PRUNE2: variants seen among roughly 807,000 people sequenced by gnomAD.
The protein encoded by PRUNE2 is prune homolog 2 with BCH domain.
A neutral mutation model predicts 252.0 loss-of-function variants in PRUNE2; 164 were observed. The ratio of observed to expected loss-of-function variants is 0.65; its 90% confidence interval spans 0.57 to 0.74. The LOEUF (loss-of-function observed/expected upper bound fraction) is 0.74, where lower values mean the gene tolerates loss of function less well. Among genes scored for constraint, PRUNE2 ranks in the 30% least tolerant of loss-of-function variants. The probability of loss-of-function intolerance (pLI) is 0.00; values close to 1 mark genes in which losing one functional copy is unlikely to be tolerated. For missense variants in PRUNE2, 3,495 were observed against 3,711.0 expected (o/e 0.94, Z 1.51); for synonymous variants, 1,292 against 1,350.2 (o/e 0.96, Z 0.94).
chr9:76,843,622 CAG>C (rs1452216746), intron 4 of PRUNE2, among the ~76,000 whole-genome samples: 2 of 151,700 alleles, frequency 1.3e-5, no homozygotes, highest in Admixed American at 1.3e-4. Context: ...TTTATAGGAA[CAG>C]AGAAAACAAG....
At chr9:76,888,852 G>GT (rs1229379467) in intron 1 of PRUNE2, among the ~76,000 whole-genome samples, 4 of 151,700 alleles carry the variant, frequency 2.6e-5, no homozygotes, top group East Asian at 3.9e-4. Context: ...TGTTGTTGTT[G>GT]TTGTTTTTGA....
intron 9 of PRUNE2, among the ~76,000 whole-genome samples, chr9:76,690,762 A>G (rs897503626): frequency 6.6e-6 from 1 of 152,240 alleles, no homozygotes. Context: ...TTACAAAGCT[A>G]CATCTCACAG....
chr9:76,839,756 G>A (rs891027664), intron 4 of PRUNE2, among the ~76,000 whole-genome samples: 37 of 152,224 alleles, frequency 2.4e-4, no homozygotes, highest in Non-Finnish European at 5.9e-5. Flanking sequence ...AAGAGAGGCA[G>A]AATGGAGGCT....
In PRUNE2 at chr9:76,850,681, T is replaced by G. The variant is rs757840524; in HGVS notation, c.142-16A>C. 8 of 1,569,792 alleles carry G rather than the reference T, an allele frequency of 5.1e-6. No homozygotes were observed. The highest frequency in any genetic ancestry group is 6.1e-6 in the Non-Finnish European group (7 of 1,141,602). ...GTGGACTGACCTACCAAGAAAAAAG[T>G]TGACTGAATTACTGAAAATAGCAGG... On this transcript the variant is annotated splice_polypyrimidine_tract_variant and intron_variant, in intron 2 of 18. Coordinates refer to ENST00000376718, the MANE Select transcript of PRUNE2 (RefSeq NM_015225.3).
rs562922993 is a variant in PRUNE2, at chr9:76,814,670, G to A, written c.756+8962C>T. The stretch of plus-strand genomic sequence containing the variant: ...CAAGATCCCAGGAATCCAAGGTTGG[G>A]GTATTGCAGTCCTGGTTTATTCCAT... On this transcript the variant is annotated intron_variant, in intron 6 of 18. Transcript: ENST00000376718. Among the ~76,000 whole-genome samples, 6 of 152,212 alleles carry A rather than the reference G, an allele frequency of 3.9e-5. No individual in the cohort carries two copies. The South Asian group carries it at 1.2e-3, about 32-fold the overall frequency.
At chr9:76,636,379 C>T (rs889686308) in intron 15 of PRUNE2, 92 bp downstream of exon 15, 2 of 735,216 alleles carry the variant, frequency 2.7e-6, no homozygotes, top group Admixed American at 5.0e-5. Context: ...CCTGGGTACT[C>T]TTAGTTTATG....
chr9:76,894,234 G>GC (rs1347788071), intron 1 of PRUNE2, among the ~76,000 whole-genome samples: 1 of 152,212 alleles, frequency 6.6e-6, no homozygotes, highest in Non-Finnish European at 1.5e-5. Flanking sequence ...CCAAAAGGAA[G>GC]CAGCTCCAGA....
intron 6 of PRUNE2, chr9:76,784,802 A>C (rs543336373): frequency 6.6e-6 from 1 of 152,530 alleles, no homozygotes; most frequent in African/African-American, 2.4e-5. Flanking sequence ...TACGGAGTGA[A>C]TTATCTAATC....
Position 76,696,145 on chromosome 9 carries a change from G to A in PRUNE2, c.8276+7192C>T, listed in dbSNP as rs116270524. Among the ~76,000 whole-genome samples, 458 of 152,220 alleles carry A rather than the reference G, an allele frequency of 3.0e-3. 4 individuals carry two copies. The highest frequency in any genetic ancestry group is 0.01 in the African/African-American group (424 of 41,524). ...AAGTATTCCCTGCTGGTTCAGAACC[G>A]GCAGCTTGGACTTCTACAAAGGGTT... On this transcript the variant is annotated intron_variant, in intron 9 of 18. Transcript: ENST00000376718.
intron 1 of PRUNE2, among the ~76,000 whole-genome samples, chr9:76,876,363 G>C (rs529334814): frequency 6.6e-6 from 1 of 152,264 alleles, no homozygotes; most frequent in South Asian, 2.1e-4. Context: ...CACAATGCTA[G>C]AGGCACTGAG....
At position 76,638,219 on chromosome 9, in the gene PRUNE2, G is replaced by T. The variant is rs377615610; in HGVS notation, c.8798C>A (p.Ala2933Glu). 6.2e-7 allele frequency: 1 copy of T among 1,613,542 alleles called. No individual in the cohort carries two copies. Among genetic ancestry groups the T allele is most frequent in the African/African-American group, 1.3e-5 (1 of 75,030 alleles). ...AACFLPDSSR[A>E]DYHYVMENLF... ...ATTTTCCATGACATAGTGGTAATCC[G>T]CCCGACTGCTGTCTGGCAGAAAACA... The change falls in exon 13 of 19, where the codon GCG (alanine) becomes GAG (glutamate). Residue 2933 changes from alanine (A) to glutamate (E), a missense_variant. By Grantham distance (107) the Ala-to-Glu change is moderately radical. Coordinates refer to ENST00000376718, the MANE Select transcript of PRUNE2 (RefSeq NM_015225.3).
At chr9:76,756,814 T>C (rs1247050780) in intron 6 of PRUNE2, among the ~76,000 whole-genome samples, 1 of 152,170 alleles carries the variant, frequency 6.6e-6, no homozygotes, top group East Asian at 1.9e-4. Context: ...GGTGCCTTGA[T>C]GCTTGATGCT....
intron 6 of PRUNE2, among the ~76,000 whole-genome samples, chr9:76,715,227 AACT>A (rs1236906413): frequency 3.3e-5 from 5 of 152,152 alleles, no homozygotes; most frequent in African/African-American, 1.2e-4. Context: ...CATTCTTTGA[AACT>A]CGTGGATTGG....
chr9:76,709,069 C>G lies in PRUNE2; in HGVS notation c.3205G>C (p.Asp1069His), dbSNP rs1317339949. 1 of 1,613,846 alleles carries G rather than the reference C, an allele frequency of 6.2e-7. No homozygotes were observed. The highest frequency in any genetic ancestry group is 2.2e-5 in the East Asian group (1 of 44,892). The change falls in exon 8 of 19, where the codon GAT becomes CAT. Residue 1069 changes from aspartate (D) to histidine (H), a missense_variant. Physicochemically the swap from Asp to His is moderately conservative, Grantham distance 81. Transcript: ENST00000376718. The part of the protein sequence containing the change: ...HTDGKNISME[D>H]DVGESSQSSY... ...GACTGGCTGCTTTCCCCGACGTCAT[C>G]CTCCATGGAGATATTCTTACCATCT...
intron 17 of PRUNE2, among the ~76,000 whole-genome samples, chr9:76,620,471 A>G (rs755062262): frequency 3.3e-5 from 5 of 152,130 alleles, no homozygotes; most frequent in Non-Finnish European, 7.4e-5. Context: ...TGACAAACAA[A>G]CACTATTCTA....
In PRUNE2 at chr9:76,679,063, A is replaced by C. The variant is rs115782488; in HGVS notation, c.8277-23561T>G. ...ACTTGAATCTTGGCTCTGACCTTTT[A>C]AAATGTGCAACCTTATACGAGTTAC... is the stretch of plus-strand genomic sequence containing the variant. On this transcript the variant is annotated intron_variant, in intron 9 of 18. Coordinates refer to ENST00000376718, the MANE Select transcript of PRUNE2 (RefSeq NM_015225.3). 3.9e-3 allele frequency among the ~76,000 whole-genome samples: 594 copies of C among 152,300 alleles called. 5 individuals are homozygous for C. The highest frequency in any genetic ancestry group is 0.014 in the African/African-American group (571 of 41,570).
intron 6 of PRUNE2, among the ~76,000 whole-genome samples, chr9:76,717,367 C>T (rs573344192): frequency 3.9e-5 from 6 of 152,278 alleles, no homozygotes; most frequent in South Asian, 4.1e-4. Context: ...CTTCTAGCTA[C>T]GCAGGGAGTC....
chr9:76,862,221 C>T (rs1457899323), intron 1 of PRUNE2: 1 of 152,250 alleles, frequency 6.6e-6, no homozygotes, highest in Non-Finnish European at 1.5e-5. Flanking sequence ...GAGTTCGAGA[C>T]CAGCCTGACC....
Position 76,707,518 on chromosome 9 carries a change from G to C in PRUNE2, c.4756C>G (p.Leu1586Val). The C allele has an allele frequency of 6.2e-7, 1 of 1,613,848 alleles. No homozygotes were observed. The highest frequency in any genetic ancestry group is 1.1e-5 in the South Asian group (1 of 91,084). Residue 1586 changes from leucine to valine, a missense_variant, in exon 8 of 19, where the codon CTA becomes GTA. Coordinates refer to ENST00000376718, the MANE Select transcript of PRUNE2 (RefSeq NM_015225.3). Reference sequence around the variant, plus strand: ...TCTACTTGGCCATCAGTGGTAATTAGTTCAGATTCTTGGTGATTCTGTTCA... The same window carrying C: ...TCTACTTGGCCATCAGTGGTAATTACTTCAGATTCTTGGTGATTCTGTTCA... ...WSEQNHQESE[L>V]ITTDGQVEIV...
Sources: allele counts gnomAD v4.1 joint callset (sites outside exome capture counted in the v4.1 genomes callset), GRCh38; gene constraint gnomAD v4.1.1; transcripts MANE v1.5; gene names NCBI Gene and HGNC (gene_info 2026-07-23, HGNC 2026-07-21).